Variants in CSMD1 observed in about 807,000 individuals in gnomAD.
The protein encoded by CSMD1 is CUB and Sushi multiple domains 1, also known as CUB and sushi domain-containing protein 1.
In CSMD1, 213 loss-of-function variants were observed where a neutral mutation model predicts 417.5. That is an observed-to-expected ratio of 0.51 (90% CI 0.46 to 0.57). CSMD1 has a LOEUF of 0.57. Ranked by LOEUF, CSMD1 falls within the 20% of genes least tolerant of loss-of-function variation. The pLI is 0.00. For missense variants in CSMD1, 6,923 were observed against 4,529.7 expected (o/e 1.53, Z -15.17); for synonymous variants, 2,862 against 1,736.8 (o/e 1.65, Z -16.11).
intron 5 of CSMD1, among the ~76,000 whole-genome samples, chr8:3,789,864 T>A (rs1799638314): frequency 6.6e-6 from 1 of 151,868 alleles, no homozygotes; most frequent in East Asian, 1.9e-4. Context: ...CCCAAGTAGC[T>A]GGGACTACAG....
intron 12 of CSMD1, among the ~76,000 whole-genome samples, chr8:3,438,916 G>A (rs190592181): frequency 6.6e-6 from 1 of 151,532 alleles, no homozygotes; most frequent in Admixed American, 6.6e-5. Context: ...AGGAGTTCAA[G>A]ATGAGTCTGG....
intron 12 of CSMD1, among the ~76,000 whole-genome samples, chr8:3,429,770 T>G (rs1056393158): frequency 6.6e-6 from 1 of 152,194 alleles, no homozygotes; most frequent in African/African-American, 2.4e-5. Flanking sequence ...ATGGTTGTTG[T>G]TTTCTATGGT....
chr8:4,538,488 G>GA (rs957902148), intron 2 of CSMD1, among the ~76,000 whole-genome samples: 5 of 151,806 alleles, frequency 3.3e-5, no homozygotes, highest in African/African-American at 1.2e-4. Context: ...ACTAAAAATA[G>GA]AAAAATTAGC....
intron 52 of CSMD1, among the ~76,000 whole-genome samples, chr8:3,000,395 C>T (rs891911482): frequency 1.3e-5 from 2 of 151,178 alleles, no homozygotes; most frequent in South Asian, 2.1e-4. Flanking sequence ...CTATCCATTT[C>T]ACTTATTTTG....
At chr8:4,013,332 G>C (rs191852731) in intron 4 of CSMD1, among the ~76,000 whole-genome samples, 14 of 152,182 alleles carry the variant, frequency 9.2e-5, no homozygotes, top group Non-Finnish European at 4.4e-5. Context: ...GTACGCTGTT[G>C]TCTCAAGGCC....
intron 26 of CSMD1, among the ~76,000 whole-genome samples, chr8:3,269,934 G>C (rs553575526): frequency 6.6e-6 from 1 of 151,980 alleles, no homozygotes; most frequent in South Asian, 2.1e-4. Context: ...ATAAAGTGAA[G>C]GTAAACGCAC....
intron 11 of CSMD1, among the ~76,000 whole-genome samples, chr8:3,491,745 T>G (rs573260532): frequency 1.3e-5 from 2 of 152,190 alleles, no homozygotes; most frequent in Non-Finnish European, 2.9e-5. Context: ...AAGGTGAGTA[T>G]AACAGACTGC....
chr8:3,720,620 T>TTCTCACACACACACAC (rs72331833), intron 6 of CSMD1, among the ~76,000 whole-genome samples: 5,803 of 143,318 alleles, frequency 0.04, 166 homozygotes, highest in East Asian at 0.061. Context: ...TCTTTATTCT[T>TTCTCACACACACACAC]ACACACACAC....
chr8:4,235,917 C>G (rs939175202), intron 3 of CSMD1, among the ~76,000 whole-genome samples: 1 of 152,300 alleles, frequency 6.6e-6, no homozygotes, highest in South Asian at 2.1e-4. Context: ...GCAGCTTCCG[C>G]CAACAAACCA....
intron 15 of CSMD1, among the ~76,000 whole-genome samples, chr8:3,401,900 A>T (rs148402284): frequency 6.6e-6 from 1 of 152,162 alleles, no homozygotes; most frequent in African/African-American, 2.4e-5. Flanking sequence ...GCTGATAACA[A>T]AAAAAGCAAA....
intron 12 of CSMD1, among the ~76,000 whole-genome samples, chr8:3,431,646 A>G (rs1226011619): frequency 6.6e-6 from 1 of 152,140 alleles, no homozygotes; most frequent in African/African-American, 2.4e-5. Flanking sequence ...AAACTTGTTT[A>G]TTAATGTTCT....
At chr8:4,904,066 G>C (rs73505879) in intron 1 of CSMD1, among the ~76,000 whole-genome samples, 2,041 of 152,024 alleles carry the variant, frequency 0.013, 38 homozygotes, top group African/African-American at 0.046. Flanking sequence ...ATTTGAGAAA[G>C]GACTTACCAT....
At chr8:4,796,403 T>A (rs1797985515) in intron 1 of CSMD1, among the ~76,000 whole-genome samples, 1 of 152,066 alleles carries the variant, frequency 6.6e-6, no homozygotes, top group South Asian at 2.1e-4. Flanking sequence ...TAAGGGCATT[T>A]ACTTTAGGAA....
chr8:3,603,758 C>A (rs1477264376), intron 8 of CSMD1, among the ~76,000 whole-genome samples: 1 of 152,156 alleles, frequency 6.6e-6, no homozygotes, highest in Non-Finnish European at 1.5e-5. Context: ...TCTAACTTTA[C>A]AAATGTTTCA....
At chr8:3,399,846 A>G (rs914747159) in intron 15 of CSMD1, among the ~76,000 whole-genome samples, 2 of 152,204 alleles carry the variant, frequency 1.3e-5, no homozygotes, top group African/African-American at 2.4e-5. Flanking sequence ...CCGGTTATCT[A>G]TAGTTTACAT....
intron 4 of CSMD1, among the ~76,000 whole-genome samples, chr8:4,007,584 G>A (rs147277225): frequency 2.2e-4 from 34 of 152,124 alleles, no homozygotes; most frequent in African/African-American, 5.8e-4. Flanking sequence ...CGTGCTGAGT[G>A]CAAAGCAATG....
At chr8:4,459,573 A>G (rs1048866443) in intron 2 of CSMD1, among the ~76,000 whole-genome samples, 3 of 152,254 alleles carry the variant, frequency 2.0e-5, no homozygotes, top group African/African-American at 4.8e-5. Context: ...AGGCTAATCC[A>G]TGGAATGGCT....
In CSMD1 at chr8:4,739,699, G is replaced by A. The variant is rs146397645; in HGVS notation, c.86-102141C>T. Among the ~76,000 whole-genome samples, 445 of 152,200 alleles carry A rather than the reference G, an allele frequency of 2.9e-3. 2 individuals carry two copies. The highest frequency in any genetic ancestry group is 0.01 in the Middle Eastern group (3 of 294). On this transcript the variant is annotated intron_variant, in intron 1 of 69. Coordinates refer to ENST00000635120, the MANE Select transcript of CSMD1 (RefSeq NM_033225.6). ...TCTATCACTTTTTGTCTAGCATTTTGTGTCTAGCACTTTACTAGGAGCTCG... is the reference window on the plus strand; with the variant it reads ...TCTATCACTTTTTGTCTAGCATTTTATGTCTAGCACTTTACTAGGAGCTCG...
chr8:4,588,726 A>C (rs529188597), intron 2 of CSMD1, among the ~76,000 whole-genome samples: 1 of 151,418 alleles, frequency 6.6e-6, no homozygotes, highest in Non-Finnish European at 1.5e-5. Flanking sequence ...CAGAGGTTGC[A>C]GTAAGCCGAG....
Sources: gnomAD v4.1 joint callset for allele counts (sites outside exome capture counted in the v4.1 genomes callset) on GRCh38, gnomAD v4.1.1 for gene constraint, MANE v1.5 for transcripts, NCBI Gene and HGNC (gene_info 2026-07-23, HGNC 2026-07-21) for gene names.